PRICKLE2: variants seen among roughly 807,000 people sequenced by gnomAD.
PRICKLE2 encodes the protein prickle-like protein 2.
A neutral mutation model predicts 81.4 loss-of-function variants in PRICKLE2; 21 were observed. The ratio of observed to expected loss-of-function variants is 0.26; its 90% CI spans 0.18 to 0.37. PRICKLE2 has a LOEUF of 0.37. Among genes scored for constraint, PRICKLE2 ranks in the 10% least tolerant of loss-of-function variants. The probability of loss-of-function intolerance (pLI) is 1.00; values close to 1 mark genes in which losing one functional copy is unlikely to be tolerated. For missense variants in PRICKLE2, 940 were observed against 1,109.0 expected (o/e 0.85, Z 2.16); for synonymous variants, 456 against 421.5 (o/e 1.08, Z -1.00).
intron 7 of PRICKLE2, among the ~76,000 whole-genome samples, chr3:64,103,993 A>G (rs1313319857): frequency 2.0e-5 from 3 of 152,198 alleles, no homozygotes; most frequent in African/African-American, 7.2e-5. Context: ...AAAATAAACA[A>G]ATAAATAAAT....
At position 64,183,272 on chromosome 3, in the gene PRICKLE2, T is replaced by C. The variant is rs140379512; in HGVS notation, c.144+15512A>G. On this transcript the variant is annotated intron_variant, in intron 2 of 7. Transcript: ENST00000638394. ...CATTTCAAAATTATTAGTGATACAATTTATTGACCCGTTTTATAATGGCCA... is the reference window on the plus strand; with the variant it reads ...CATTTCAAAATTATTAGTGATACAACTTATTGACCCGTTTTATAATGGCCA... Among the ~76,000 whole-genome samples, 73 of 152,292 alleles carry C rather than the reference T, an allele frequency of 4.8e-4. No homozygotes were observed. In the East Asian group the frequency reaches 0.014, roughly 29 times the overall value.
chr3:64,146,248 A>T (rs2077448307), intron 7 of PRICKLE2: 1 of 158,416 alleles, frequency 6.3e-6, no homozygotes, highest in Non-Finnish European at 1.4e-5. Context: ...ACCATTCCTC[A>T]CTTGGCTCCT....
chr3:64,104,026 A>G (rs2076712819), intron 7 of PRICKLE2, among the ~76,000 whole-genome samples: 2 of 152,230 alleles, frequency 1.3e-5, no homozygotes, highest in Non-Finnish European at 2.9e-5. Context: ...AATGTTTGTT[A>G]AAGGGTCAAA....
chr3:64,223,801 A>C lies in PRICKLE2; in HGVS notation c.-41+1109T>G, dbSNP rs372965471. ...TGACCCATCTGTGAAAGCCATCAGC[A>C]GGCAGTAAGCCTTCTGAGGAGCAGG... On this transcript the variant is annotated intron_variant, in intron 1 of 7. Transcript: ENST00000638394. 5.9e-4 allele frequency among the ~76,000 whole-genome samples: 90 copies of C among 152,332 alleles called. 1 individual carries two copies. Among genetic ancestry groups the C allele is most frequent in the African/African-American group, 2.1e-3 (87 of 41,584 alleles).
At chr3:64,207,413 G>C (rs2078706064) in intron 1 of PRICKLE2, among the ~76,000 whole-genome samples, 1 of 152,006 alleles carries the variant, frequency 6.6e-6, no homozygotes, top group Non-Finnish European at 1.5e-5. Context: ...AACAGCTGCT[G>C]GTCCTCTTTT....
chr3:64,171,028 C>A (rs954427693), intron 2 of PRICKLE2, among the ~76,000 whole-genome samples: 3 of 152,190 alleles, frequency 2.0e-5, no homozygotes, highest in Non-Finnish European at 4.4e-5. Context: ...GACTCTGTCT[C>A]TTACCATATT....
chr3:64,197,193 C>A (rs1327724740), intron 2 of PRICKLE2, among the ~76,000 whole-genome samples: 3 of 152,294 alleles, frequency 2.0e-5, no homozygotes, highest in Middle Eastern at 3.4e-3. Flanking sequence ...CATGTCTTTA[C>A]TATTATGAAT....
intron 1 of PRICKLE2, among the ~76,000 whole-genome samples, chr3:64,219,463 G>C (rs536931492): frequency 2.4e-4 from 36 of 152,168 alleles, no homozygotes; most frequent in Non-Finnish European, 4.3e-4. Context: ...GTTCCCTGTA[G>C]TCCAGCAAAG....
At chr3:64,153,957 G>C (rs138868093) in intron 5 of PRICKLE2, 4 of 154,540 alleles carry the variant, frequency 2.6e-5, no homozygotes, top group African/African-American at 9.6e-5. Flanking sequence ...CCTCACAAGT[G>C]TTTGCATTTT....
At chr3:64,189,832 G>T (rs2078300083) in intron 2 of PRICKLE2, among the ~76,000 whole-genome samples, 1 of 152,164 alleles carries the variant, frequency 6.6e-6, no homozygotes, top group African/African-American at 2.4e-5. Context: ...ACATATGGAA[G>T]ATGTCACCTC....
chr3:64,138,793 C>T (rs935710313), intron 7 of PRICKLE2, among the ~76,000 whole-genome samples: 1 of 152,158 alleles, frequency 6.6e-6, no homozygotes, highest in African/African-American at 2.4e-5. Flanking sequence ...CACACATCTT[C>T]CCCAGTGACG....
intron 2 of PRICKLE2, among the ~76,000 whole-genome samples, chr3:64,243,207 A>G (rs941860977): frequency 1.3e-5 from 2 of 152,240 alleles, no homozygotes; most frequent in African/African-American, 4.8e-5. Context: ...AGAAAGTTTC[A>G]ATGATGTACC....
intron 7 of PRICKLE2, among the ~76,000 whole-genome samples, chr3:64,135,265 G>A (rs143201905): frequency 6.6e-6 from 1 of 152,302 alleles, no homozygotes; most frequent in African/African-American, 2.4e-5. Flanking sequence ...TGCTGGGTAA[G>A]AAGCAAAATG....
intron 2 of PRICKLE2, among the ~76,000 whole-genome samples, chr3:64,170,703 TA>T (rs770744864): frequency 0.021 from 2,384 of 113,350 alleles, 47 homozygotes; most frequent in Admixed American, 0.057. Flanking sequence ...CTAGAAACAT[TA>T]AAAAAAAAAA....
At position 64,190,677 on chromosome 3, in the gene PRICKLE2, G is replaced by C. The variant is rs188977210; in HGVS notation, c.144+8107C>G. 2.6e-5 allele frequency among the ~76,000 whole-genome samples: 4 copies of C among 152,328 alleles called. No homozygotes were observed. The East Asian group carries it at 5.8e-4, about 22-fold the overall frequency. ...CTTGGACTCTCATGGGGAAAATCAA[G>C]TGGAATGCTGCCAAGAAGCCCATAG... On this transcript the variant is annotated intron_variant, in intron 2 of 7. Coordinates refer to ENST00000638394, the MANE Select transcript of PRICKLE2 (RefSeq NM_198859.4).
intron 2 of PRICKLE2, among the ~76,000 whole-genome samples, chr3:64,253,116 G>A (rs2079474146): frequency 2.0e-5 from 3 of 152,112 alleles, no homozygotes; most frequent in Admixed American, 2.0e-4. Flanking sequence ...AAAAGCTCTG[G>A]AAATAATAAC....
chr3:64,194,050 T>G (rs182993875), intron 2 of PRICKLE2: 1 of 152,242 alleles, frequency 6.6e-6, no homozygotes, highest in African/African-American at 2.4e-5. Context: ...TTCCTGGATG[T>G]CTCACATTTT....
At chr3:64,118,709 A>C (rs2076978652) in intron 7 of PRICKLE2, among the ~76,000 whole-genome samples, 1 of 110,592 alleles carries the variant, frequency 9.0e-6, no homozygotes, top group Admixed American at 1.0e-4. Context: ...GATGCTGGCT[A>C]TTCTTAAAAA....
upstream of PRICKLE2, among the ~76,000 whole-genome samples, chr3:64,228,767 A>G (rs1172678071): frequency 6.6e-6 from 1 of 152,126 alleles, no homozygotes; most frequent in Non-Finnish European, 1.5e-5. Context: ...AGCGGAGGAC[A>G]CTCTTGTCAG....
Sources: gnomAD v4.1 joint callset for allele counts (sites outside exome capture counted in the v4.1 genomes callset) on GRCh38, gnomAD v4.1.1 for gene constraint, MANE v1.5 for transcripts, NCBI Gene and HGNC (gene_info 2026-07-23, HGNC 2026-07-21) for gene names.